SYNRG: variants seen among roughly 807,000 people sequenced by gnomAD.
SYNRG encodes the protein AP1 gamma subunit binding protein 1.
SYNRG carries 37 observed loss-of-function variants against 130.9 expected under a neutral mutation model. That is an observed-to-expected ratio of 0.28 (90% CI 0.22 to 0.37). The LOEUF is 0.37. SYNRG is among the 10% of genes least tolerant of loss of function. The probability of loss-of-function intolerance (pLI) is 1.00; values close to 1 mark genes in which losing one functional copy is unlikely to be tolerated. For synonymous variants in SYNRG, 539 were observed against 568.1 expected, an observed-to-expected ratio of 0.95 and a Z score of 0.73; for missense variants, 1,338 against 1,588.9, an observed-to-expected ratio of 0.84 and a Z score of 2.68.
rs2054366486 is a variant in SYNRG at position 37,515,565 on chromosome 17, TCTC to T, written c.*3372_*3374del. 6.6e-6 allele frequency: 1 copy of T among 152,424 alleles called. No homozygotes were observed. The highest frequency in any genetic ancestry group is 2.1e-4 in the South Asian group (1 of 4,828). The allele number at this position is 152,424 out of a possible 1,614,324, so 9.4% of individuals were successfully genotyped here. On this transcript the variant is annotated 3_prime_UTR_variant, in exon 22 of 22. Transcript: ENST00000612223. ...CCTCCGCCTCTCTGGTTCAAGCAAT[TCTC>T]CTGCCTCAGCCTCCCGAGTAGCTCG...
At chr17:37,520,688 G>T (rs1411782887) in intron 19 of SYNRG, 40 bp from the exon 20 acceptor site, 1 of 1,545,988 alleles carries the variant, frequency 6.5e-7, no homozygotes. Context: ...AAGTCCACAA[G>T]TCCACACGCT....
intron 10 of SYNRG, among the ~76,000 whole-genome samples, chr17:37,569,694 A>G (rs112146787): frequency 1.4e-5 from 2 of 146,420 alleles, no homozygotes; most frequent in African/African-American, 5.3e-5. Context: ...TCAAAATGCT[A>G]CAAAAAAAAA....
At chr17:37,553,007 G>T (rs1246358208) in intron 14 of SYNRG, 108 bp downstream of exon 14, 3 of 989,752 alleles carry the variant, frequency 3.0e-6, no homozygotes, top group Non-Finnish European at 4.5e-6. Flanking sequence ...GATTATTAGA[G>T]ATTCATAAAG....
intron 3 of SYNRG, among the ~76,000 whole-genome samples, chr17:37,587,525 AC>A (rs2061790752): frequency 6.6e-6 from 1 of 152,064 alleles, no homozygotes; most frequent in African/African-American, 2.4e-5. Context: ...CTTCTTCTAA[AC>A]CTTTTCTCTT....
intron 6 of SYNRG, chr17:37,579,030 A>C (rs2061075616): frequency 2.4e-6 from 2 of 833,084 alleles, no homozygotes; most frequent in South Asian, 7.6e-5. Context: ...ATTTATGTGC[A>C]TGTTTATTTG....
chr17:37,607,916 G>A (rs2063908565), intron 1 of SYNRG, among the ~76,000 whole-genome samples: 1 of 129,254 alleles, frequency 7.7e-6, no homozygotes, highest in African/African-American at 2.9e-5. Flanking sequence ...AGATCACGCC[G>A]CCGCACTCTG....
intron 3 of SYNRG, among the ~76,000 whole-genome samples, chr17:37,589,933 G>A (rs1038542948): frequency 6.6e-6 from 1 of 152,078 alleles, no homozygotes; most frequent in African/African-American, 2.4e-5. Context: ...CACTTTGGGA[G>A]GCTGAGGCAG....
At chr17:37,579,477 C>A (rs763524916) in intron 6 of SYNRG, 14 of 1,272,664 alleles carry the variant, frequency 1.1e-5, no homozygotes, top group Admixed American at 2.4e-5. Context: ...AAAATGGAAA[C>A]CAACAGAGAA....
rs1475226929 is a variant in SYNRG at position 37,553,498 on chromosome 17, G to C, written c.2225C>G (p.Ser742Cys). ...TTGTCTGAAGACATCGTACTTGGTA[G>C]ACGCAGCAGTCGAGTTTTGTCCACC... ...VKGGQNSTAA[S>C]TKYDVFRQLS... Residue 742 changes from serine to cysteine, a missense_variant, in exon 14 of 22, where the codon TCT becomes TGT. Ser to Cys is a moderately radical substitution (Grantham distance 112). Around this residue, in one of 3 missense-constraint regions of SYNRG, gnomAD observed 1,146 missense variants for 1,342.3 expected, o/e 0.85. Coordinates refer to ENST00000612223, the MANE Select transcript of SYNRG (RefSeq NM_007247.6). The C allele has an allele frequency of 6.2e-7, 1 of 1,614,104 alleles. No homozygotes were observed. The highest frequency in any genetic ancestry group is 8.5e-7 in the Non-Finnish European group (1 of 1,180,034).
At chr17:37,596,702 G>C (rs540255120) in intron 2 of SYNRG, among the ~76,000 whole-genome samples, 79 of 152,060 alleles carry the variant, frequency 5.2e-4, no homozygotes, top group Admixed American at 1.1e-3. Flanking sequence ...ATACTGAATG[G>C]GGCTGATCAG....
intron 3 of SYNRG, among the ~76,000 whole-genome samples, chr17:37,590,001 T>C (rs1159263689): frequency 6.6e-6 from 1 of 151,726 alleles, no homozygotes; most frequent in African/African-American, 2.4e-5. Context: ...TAAAATCCCA[T>C]CTCTACTAAA....
Position 37,553,951 on chromosome 17 carries a change from A to G in SYNRG, c.1772T>C (p.Phe591Ser). ...AGTTCCTGAGGGGAAGGATGGTGGA[A>G]AAGTTTTGTCTTTTGTTGGTGGCTC... ...PLEPPTKDKT[F>S]PPSFPSGTIQ... Residue 591 changes from phenylalanine (F) to serine (S), a missense_variant, in exon 14 of 22, where the codon TTT becomes TCT. Physicochemically the swap from Phe to Ser is radical, Grantham distance 155 (BLOSUM62 -2). Around this residue, in one of 3 missense-constraint regions of SYNRG, gnomAD observed 1,146 missense variants for 1,342.3 expected, o/e 0.85. Coordinates refer to ENST00000612223, the MANE Select transcript of SYNRG (RefSeq NM_007247.6). The G allele has an allele frequency of 6.2e-7, 1 of 1,609,796 alleles. No individual in the cohort carries two copies. Among genetic ancestry groups the G allele is most frequent in the African/African-American group, 1.3e-5 (1 of 74,576 alleles).
chr17:37,566,175 G>A (rs1452353380), intron 11 of SYNRG, among the ~76,000 whole-genome samples: 2 of 152,250 alleles, frequency 1.3e-5, no homozygotes, highest in African/African-American at 2.4e-5. Flanking sequence ...TGACAATGGC[G>A]GCTTTGTGGA....
Position 37,536,035 on chromosome 17 carries a change from C to T in SYNRG, c.3610G>A (p.Asp1204Asn), listed in dbSNP as rs2057158707. 6.2e-7 allele frequency: 1 copy of T among 1,613,946 alleles called. No individual in the cohort carries two copies. The highest frequency in any genetic ancestry group is 1.1e-5 in the South Asian group (1 of 91,086). ...CSEKLQQLLK[D>N]IDKVWNNLIG... ...AGGTTATTCCATACTTTATCGATGTCCTTCAGCAACTGCTGGAGTTTCTCA... is the reference window on the plus strand; with the variant it reads ...AGGTTATTCCATACTTTATCGATGTTCTTCAGCAACTGCTGGAGTTTCTCA... The change falls in exon 19 of 22, where the codon GAC (aspartate) becomes AAC (asparagine). Residue 1204 changes from aspartate (D) to asparagine (N), a missense_variant. Asp to Asn is a conservative substitution (Grantham distance 23). Coordinates refer to ENST00000612223, the MANE Select transcript of SYNRG (RefSeq NM_007247.6).
intron 8 of SYNRG, among the ~76,000 whole-genome samples, chr17:37,575,480 GA>G (rs2060749226): frequency 6.6e-6 from 1 of 151,486 alleles, no homozygotes; most frequent in South Asian, 2.1e-4. Context: ...GTTTAAAGAA[GA>G]AAATGCACTT....
chr17:37,518,894 G>A lies in SYNRG; in HGVS notation c.*46C>T, dbSNP rs1455907633. Reference sequence around the variant, plus strand: ...TATTTATTGGTCCCTGTCACCCCGTGGGGTGTCACAGAAAAAAAAAAGTCA... The same window carrying A: ...TATTTATTGGTCCCTGTCACCCCGTAGGGTGTCACAGAAAAAAAAAAGTCA... On this transcript the variant is annotated 3_prime_UTR_variant, in exon 22 of 22. Coordinates refer to ENST00000612223, the MANE Select transcript of SYNRG (RefSeq NM_007247.6). 1.9e-6 allele frequency: 3 copies of A among 1,603,408 alleles called. No homozygotes were observed. In the South Asian group the frequency reaches 3.3e-5, roughly 18 times the overall value.
At chr17:37,578,080 C>G (rs1387596914) in intron 6 of SYNRG, among the ~76,000 whole-genome samples, 7 of 151,744 alleles carry the variant, frequency 4.6e-5, no homozygotes, top group Admixed American at 2.0e-4. Context: ...GCCTGTAATC[C>G]CAGCACTTTG....
At chr17:37,545,937 G>A (rs1231847525) in intron 14 of SYNRG, among the ~76,000 whole-genome samples, 1 of 152,094 alleles carries the variant, frequency 6.6e-6, no homozygotes, top group Non-Finnish European at 1.5e-5. Context: ...CCTAAACTTA[G>A]AATTTATAAA....
At position 37,571,983 on chromosome 17, in the gene SYNRG, G is replaced by C; in HGVS notation, c.906C>G (p.Ala302=). The C allele has an allele frequency of 6.2e-7, 1 of 1,609,500 alleles. No homozygotes were observed. Among genetic ancestry groups the C allele is most frequent in the African/African-American group, 1.3e-5 (1 of 74,762 alleles). Residue 302 remains alanine, a synonymous_variant, in exon 9 of 22, where the codon GCC becomes GCG. Transcript: ENST00000612223. ...WIYNESLVPD[A]YKKILETTMT... is the part of the protein sequence containing the mutation. ...TTGTGGTTTCTAAGATTTTCTTATA[G>C]GCATCTATTAAAGGAAAGACCAGAT...
Sources: gnomAD v4.1 joint callset for allele counts (sites outside exome capture counted in the v4.1 genomes callset) on GRCh38, gnomAD v4.1.1 for gene constraint, gnomAD v4.1.1 regional missense constraint, MANE v1.5 for transcripts, NCBI Gene and HGNC (gene_info 2026-07-23, HGNC 2026-07-21) for gene names.